The following USP34 variants were observed in gnomAD, a reference collection of about 807,000 sequenced individuals.
USP34 encodes the protein ubiquitin specific peptidase 34, also known as ubiquitin carboxyl-terminal hydrolase 34.
A neutral mutation model predicts 460.3 loss-of-function variants in USP34; 70 were observed. That is an observed-to-expected ratio of 0.15 (90% confidence interval 0.13 to 0.19). USP34 has a LOEUF of 0.19. Among genes scored for constraint, USP34 ranks in the 10% least tolerant of loss-of-function variants. USP34 has a pLI of 1.00. For missense variants in USP34, 3,985 were observed against 4,236.2 expected (o/e 0.94, Z 1.65); for synonymous variants, 1,647 against 1,405.3 (o/e 1.17, Z -3.85).
intron 8 of USP34, among the ~76,000 whole-genome samples, chr2:61,377,933 C>G (rs1343112206): frequency 6.6e-6 from 1 of 152,244 alleles, no homozygotes; most frequent in East Asian, 1.9e-4. Flanking sequence ...AATCCCAACA[C>G]TTTGGGAGAC....
Position 61,470,805 on chromosome 2 carries a change from G to T in USP34, c.-113C>A, listed in dbSNP as rs1229235349. The T allele has an allele frequency of 2.6e-6, 2 of 780,942 alleles. No homozygotes were observed. The highest frequency in any genetic ancestry group is 2.0e-6 in the Non-Finnish European group (1 of 492,934). The allele number at this position is 780,942 out of a possible 1,614,324, so 48.4% of individuals were successfully genotyped here. Reference sequence around the variant, plus strand: ...GGGGCCGGCCGGCCGGCGGGGCGGGGAGGCGACTAGGGCGGGCGGCGGCGG... The same window carrying T: ...GGGGCCGGCCGGCCGGCGGGGCGGGTAGGCGACTAGGGCGGGCGGCGGCGG... On this transcript the variant is annotated 5_prime_UTR_variant, in exon 1 of 80. Coordinates refer to ENST00000398571, the MANE Select transcript of USP34 (RefSeq NM_014709.4).
chr2:61,401,019 TGCGC>T (rs1387104793), intron 3 of USP34, among the ~76,000 whole-genome samples: 7 of 151,236 alleles, frequency 4.6e-5, no homozygotes, highest in Admixed American at 2.6e-4. Context: ...GCATTTTGGG[TGCGC>T]GCCTGTAGTC....
At chr2:61,315,028 C>G in intron 23 of USP34, 54 bp from the exon 24 acceptor site, 2 of 1,356,522 alleles carry the variant, frequency 1.5e-6, no homozygotes, top group Non-Finnish European at 2.1e-6. Context: ...CTATGTAACT[C>G]ATTAAGACTG....
intron 6 of USP34, among the ~76,000 whole-genome samples, chr2:61,381,392 G>A (rs1419766861): frequency 1.3e-5 from 2 of 152,070 alleles, no homozygotes; most frequent in African/African-American, 4.8e-5. Context: ...ACGCTGGAGT[G>A]CAATTGCTCA....
intron 1 of USP34, among the ~76,000 whole-genome samples, chr2:61,469,568 G>A (rs900733903): frequency 6.6e-6 from 1 of 152,016 alleles, no homozygotes; most frequent in Non-Finnish European, 1.5e-5. Context: ...ATTGTCTTTG[G>A]TCATTAAAGT....
intron 1 of USP34, among the ~76,000 whole-genome samples, chr2:61,463,882 TCCA>T (rs1196922482): frequency 6.6e-6 from 1 of 151,682 alleles, no homozygotes; most frequent in African/African-American, 2.4e-5. Context: ...GTCCTGTGGT[TCCA>T]CCAAACAGTC....
intron 47 of USP34, among the ~76,000 whole-genome samples, 175 bp downstream of exon 47, chr2:61,256,698 T>C (rs1572876674): frequency 2.0e-5 from 3 of 152,162 alleles, no homozygotes; most frequent in African/African-American, 2.4e-5. Flanking sequence ...TAAATTTTGA[T>C]TGGGCAAGAA....
chr2:61,383,843 C>G (rs1294654443), intron 5 of USP34, among the ~76,000 whole-genome samples: 2 of 152,064 alleles, frequency 1.3e-5, no homozygotes, highest in Non-Finnish European at 2.9e-5. Context: ...GGAAATTTAA[C>G]CTATATATTA....
intron 67 of USP34, among the ~76,000 whole-genome samples, chr2:61,219,540 G>A (rs140669320): frequency 3.9e-5 from 6 of 152,122 alleles, no homozygotes; most frequent in East Asian, 1.9e-4. Flanking sequence ...GTGTGGTGGC[G>A]TGCACCTGTT....
chr2:61,212,647 A>T (rs1235364673), intron 68 of USP34, among the ~76,000 whole-genome samples: 2 of 152,232 alleles, frequency 1.3e-5, no homozygotes. Context: ...CATACTTGTC[A>T]ATGAACTGAA....
chr2:61,235,818 G>A (rs760278928), intron 57 of USP34, 27 bp downstream of exon 57: 2 of 1,598,270 alleles, frequency 1.3e-6, no homozygotes, highest in African/African-American at 1.3e-5. Context: ...CTTAAACTAT[G>A]CATTAGTTGT....
chr2:61,376,190 A>G (rs902743298), intron 8 of USP34, among the ~76,000 whole-genome samples: 2 of 152,210 alleles, frequency 1.3e-5, no homozygotes, highest in African/African-American at 4.8e-5. Context: ...ATATTTTAAA[A>G]AGTGAATTTT....
chr2:61,405,897 T>C lies in USP34; in HGVS notation c.363A>G (p.Ser121=). Residue 121 remains serine, a synonymous_variant, in exon 3 of 80, where the codon TCA becomes TCG. Transcript: ENST00000398571. ...TTGTAGAGTTTGATTTTTTTTCTAT[T>C]GATTTTTGTCTTTCTGTACTTCCTT... ...CNEGSTERQK[S]IEKKSNSTRI... 2 of 1,613,770 alleles carry C rather than the reference T, an allele frequency of 1.2e-6. No individual in the cohort carries two copies. Among genetic ancestry groups the C allele is most frequent in the Non-Finnish European group, 1.7e-6 (2 of 1,179,926 alleles).
At chr2:61,296,320 A>G (rs1690028054) in intron 30 of USP34, among the ~76,000 whole-genome samples, 1 of 152,166 alleles carries the variant, frequency 6.6e-6, no homozygotes, top group African/African-American at 2.4e-5. Flanking sequence ...CTTTACAAAG[A>G]TACCCAACAC....
chr2:61,192,934 G>T lies in USP34; in HGVS notation c.9555C>A (p.Phe3185Leu). ...YEGLPLHLAL[F>L]PKLWTELCQT... ...GGCATAGCTCAGTCCAAAGTTTGGGGAACAGTGCAAGATGAAGTGGCAAAC... is the reference window on the plus strand; with the variant it reads ...GGCATAGCTCAGTCCAAAGTTTGGGTAACAGTGCAAGATGAAGTGGCAAAC... Residue 3185 changes from phenylalanine (F) to leucine (L), a missense_variant, in exon 76 of 80, where the codon TTC (phenylalanine) becomes TTA (leucine). By Grantham distance (22) the Phe-to-Leu change is conservative. Transcript: ENST00000398571. 1 of 1,613,828 alleles carries T rather than the reference G, an allele frequency of 6.2e-7. No individual in the cohort carries two copies. Among genetic ancestry groups the T allele is most frequent in the South Asian group, 1.1e-5 (1 of 91,046 alleles).
intron 1 of USP34, among the ~76,000 whole-genome samples, chr2:61,450,618 ATAAAG>A (rs2104060942): frequency 6.6e-6 from 1 of 152,210 alleles, no homozygotes; most frequent in South Asian, 2.1e-4. Flanking sequence ...CAAATAAATA[ATAAAG>A]TAAAATAAAT....
intron 3 of USP34, among the ~76,000 whole-genome samples, chr2:61,400,467 GAACTCAATGTCTCAA>G (rs1229585419): frequency 2.0e-5 from 3 of 152,104 alleles, no homozygotes; most frequent in Non-Finnish European, 4.4e-5. Flanking sequence ...AAACCATGAA[GAACTCAATGTCTCAA>G]AATTTTTGCT....
chr2:61,423,033 AC>A (rs1432231435), intron 1 of USP34, among the ~76,000 whole-genome samples: 2 of 151,478 alleles, frequency 1.3e-5, no homozygotes, highest in African/African-American at 4.9e-5. Context: ...CCTCTCAAAA[AC>A]AAACAAACAA....
chr2:61,256,590 T>A (rs72811484), intron 47 of USP34, 112 bp from the exon 48 acceptor site: 352,745 of 692,906 alleles, frequency 0.51, 91,914 homozygotes, highest in African/African-American at 0.76. Context: ...ATTTTTTTTT[T>A]AAAAGTGAAT....
Sources: allele counts gnomAD v4.1 joint callset (sites outside exome capture counted in the v4.1 genomes callset), GRCh38; gene constraint gnomAD v4.1.1; transcripts MANE v1.5; gene names NCBI Gene and HGNC (gene_info 2026-07-23, HGNC 2026-07-21).